The following SCUBE3 variants were observed in gnomAD, a reference collection of about 807,000 sequenced individuals.
The protein encoded by SCUBE3 is signal peptide, CUB domain and EGF like domain containing 3.
SCUBE3 carries 33 observed loss-of-function variants against 116.8 expected under a neutral mutation model. That is an observed-to-expected ratio of 0.28 (90% CI 0.21 to 0.38). SCUBE3 has a LOEUF of 0.38. SCUBE3 is among the 10% of genes least tolerant of loss of function. The pLI is 1.00. For synonymous variants in SCUBE3, 418 were observed against 496.9 expected (o/e 0.84, Z 2.11); for missense variants, 1,007 against 1,324.8 (o/e 0.76, Z 3.72).
chr6:35,227,387 G>A (rs961698604), intron 1 of SCUBE3, among the ~76,000 whole-genome samples, 193 bp from the exon 2 acceptor site: 1 of 152,182 alleles, frequency 6.6e-6, no homozygotes, highest in Non-Finnish European at 1.5e-5. Context: ...GGCAGTGGGG[G>A]TTCCTTCTGA....
At position 35,250,133 on chromosome 6, in the gene SCUBE3, A is replaced by C. The variant is rs1007547372; in HGVS notation, c.*1428A>C. On this transcript the variant is annotated 3_prime_UTR_variant, in exon 22 of 22. Coordinates refer to ENST00000274938, the MANE Select transcript of SCUBE3 (RefSeq NM_152753.4). ...CTGTGGTAATCCAGGGTAATTGCGCAGAGGCATCTGATGTGTAGGAAAGTA... is the reference window on the plus strand; with the variant it reads ...CTGTGGTAATCCAGGGTAATTGCGCCGAGGCATCTGATGTGTAGGAAAGTA... 3.7e-4 allele frequency: 57 copies of C among 152,516 alleles called. No homozygotes were observed. Among genetic ancestry groups the C allele is most frequent in the African/African-American group, 1.4e-3 (57 of 41,572 alleles). The allele number at this position is 152,516 out of a possible 1,614,324, so 9.4% of individuals were successfully genotyped here. A position where few individuals can be genotyped will look rare whatever the true frequency, so the allele number is the denominator to read the frequency against.
chr6:35,222,240 G>A (rs964278864), intron 1 of SCUBE3: 7 of 152,144 alleles, frequency 4.6e-5, no homozygotes, highest in African/African-American at 1.7e-4. Flanking sequence ...TCCTGAGCTG[G>A]GCTTGGGCAA....
In SCUBE3 at chr6:35,232,262, T is replaced by C. The variant is rs1300691050; in HGVS notation, c.469+403T>C. Among the ~76,000 whole-genome samples the C allele has an allele frequency of 2.0e-5, 3 of 152,164 alleles. No homozygotes were observed. The highest frequency in any genetic ancestry group is 4.8e-5 in the African/African-American group (2 of 41,440). ...TTATATTGGCTGTTTCTATGACTCATGCCCCCCACTCCCACTAGACTGTGA... is the reference window on the plus strand; with the variant it reads ...TTATATTGGCTGTTTCTATGACTCACGCCCCCCACTCCCACTAGACTGTGA... On this transcript the variant is annotated intron_variant, in intron 4 of 21. Transcript: ENST00000274938. This position sits in a 1 kb window ranked among gnomAD's most constrained non-coding sequence, Gnocchi z 4.2.
At position 35,240,016 on chromosome 6, in the gene SCUBE3, A is replaced by C; in HGVS notation, c.952+142A>C. 1.0e-5 allele frequency: 7 copies of C among 699,994 alleles called. No homozygotes were observed. Among genetic ancestry groups the C allele is most frequent in the Non-Finnish European group, 1.6e-5 (7 of 444,324 alleles). 43.4% of individuals were successfully genotyped at this position (699,994 alleles called of 1,614,324 possible). A position where few individuals can be genotyped will look rare whatever the true frequency, so the allele number is the denominator to read the frequency against. On this transcript the variant is annotated intron_variant, in intron 8 of 21. Coordinates refer to ENST00000274938, the MANE Select transcript of SCUBE3 (RefSeq NM_152753.4). The surrounding 1 kb of genome is among the most constrained non-coding windows in gnomAD (Gnocchi z 4.6). ...GGCAGTGTCATCCTGCAAATTAGCA[A>C]ATGGTACTCTTTCCCCTCAGCGGAC...
Position 35,244,853 on chromosome 6 carries a change from C to T in SCUBE3, c.2401+42C>T. ...GCTGTGCAAAAGGGAGGAGAGAGGC[C>T]TGGGAGCAGTGGACATCTAAAGGAG... On this transcript the variant is annotated intron_variant, in intron 18 of 21. Transcript: ENST00000274938. This position sits in a 1 kb window ranked among gnomAD's most constrained non-coding sequence, Gnocchi z 4.3. The T allele has an allele frequency of 1.9e-6, 3 of 1,597,616 alleles. No homozygotes were observed. In the South Asian group the frequency reaches 3.3e-5, roughly 18 times the overall value.
rs1192480132 is a variant in SCUBE3, at chr6:35,248,606, C to A, written c.2883C>A (p.Asn961Lys). ...TTGAGGTGCTAGCCCACCCCCAGAACTACTTCAAGTACACAGAGAAACACA... is the reference window on the plus strand; with the variant it reads ...TTGAGGTGCTAGCCCACCCCCAGAAATACTTCAAGTACACAGAGAAACACA... ...AFFEVLAHPQ[N>K]YFKYTEKHKE... is the part of the protein sequence containing the mutation. Residue 961 changes from asparagine (N) to lysine (K), a missense_variant, in exon 22 of 22, where the codon AAC (asparagine) becomes AAA (lysine). Transcript: ENST00000274938. 1 of 1,614,062 alleles carries A rather than the reference C, an allele frequency of 6.2e-7. No homozygotes were observed. The highest frequency in any genetic ancestry group is 1.1e-5 in the South Asian group (1 of 91,078).
Position 35,245,815 on chromosome 6 carries a change from C to A in SCUBE3, c.2600-129C>A. The stretch of plus-strand genomic sequence containing the variant: ...GGGTGTGGGGTAGGGTGTGTGTATG[C>A]GAAGGGGGAGCCTTTGTCAGAATGA... On this transcript the variant is annotated intron_variant, in intron 19 of 21. Transcript: ENST00000274938. This position sits in a 1 kb window ranked among gnomAD's most constrained non-coding sequence, Gnocchi z 4.2. 1.0e-6 allele frequency: 1 copy of A among 990,376 alleles called. No individual in the cohort carries two copies. The highest frequency in any genetic ancestry group is 1.6e-5 in the South Asian group (1 of 64,306). The allele number at this position is 990,376 out of a possible 1,614,324, so 61.3% of individuals were successfully genotyped here.
In SCUBE3 at chr6:35,239,173, C is replaced by T. The variant is rs534288195; in HGVS notation, c.830-579C>T. Among the ~76,000 whole-genome samples the T allele has an allele frequency of 6.6e-6, 1 of 152,150 alleles. No individual in the cohort carries two copies. The highest frequency in any genetic ancestry group is 2.1e-4 in the South Asian group (1 of 4,814). ...TCCCAGTCCAGCCCCTTGCCTGGCC[C>T]CCAGCCCTCCCCCATCAGCTACCCA... On this transcript the variant is annotated intron_variant, in intron 7 of 21. Coordinates refer to ENST00000274938, the MANE Select transcript of SCUBE3 (RefSeq NM_152753.4). This position sits in a 1 kb window ranked among gnomAD's most constrained non-coding sequence, Gnocchi z 4.1.
chr6:35,238,030 G>C lies in SCUBE3; in HGVS notation c.829+12G>C, dbSNP rs201005639. 1.2e-5 allele frequency: 18 copies of C among 1,508,374 alleles called. No individual in the cohort carries two copies. Among genetic ancestry groups the C allele is most frequent in the Non-Finnish European group, 1.6e-5 (17 of 1,085,712 alleles). The allele number at this position is 1,508,374 out of a possible 1,614,324, so 93.4% of individuals were successfully genotyped here. A position where few individuals can be genotyped will look rare whatever the true frequency, so the allele number is the denominator to read the frequency against. On this transcript the variant is annotated intron_variant, in intron 7 of 21. Transcript: ENST00000274938. ...GAAGACGTGCAAAGGTAAGGACTTT[G>C]AGAGGACAGAAGCAGAGTGACCTTT...
In SCUBE3 at chr6:35,214,863, C is replaced by G. The variant is rs1263172745; in HGVS notation, c.85+360C>G. 6.6e-6 allele frequency among the ~76,000 whole-genome samples: 1 copy of G among 152,208 alleles called. No homozygotes were observed. Among genetic ancestry groups the G allele is most frequent in the African/African-American group, 2.4e-5 (1 of 41,454 alleles). Reference sequence around the variant, plus strand: ...TCTCTCAAACATTGCCAGAAACTTACGCTGTGGCCTGGAGAGACTGAGGGA... The same window carrying G: ...TCTCTCAAACATTGCCAGAAACTTAGGCTGTGGCCTGGAGAGACTGAGGGA... On this transcript the variant is annotated intron_variant, in intron 1 of 21. Transcript: ENST00000274938. This position sits in a 1 kb window ranked among gnomAD's most constrained non-coding sequence, Gnocchi z 6.3.
In SCUBE3 at chr6:35,244,952, C is replaced by T. The variant is rs1784268320; in HGVS notation, c.2401+141C>T. Reference sequence around the variant, plus strand: ...AACTCCACCTTCCACCTCTCCCCAACTCACTCAATCTCAAGGCCAGTTGCT... The same window carrying T: ...AACTCCACCTTCCACCTCTCCCCAATTCACTCAATCTCAAGGCCAGTTGCT... On this transcript the variant is annotated intron_variant, in intron 18 of 21. Coordinates refer to ENST00000274938, the MANE Select transcript of SCUBE3 (RefSeq NM_152753.4). The surrounding 1 kb of genome is among the most constrained non-coding windows in gnomAD (Gnocchi z 4.3). 1.2e-6 allele frequency: 1 copy of T among 823,638 alleles called. No homozygotes were observed. The highest frequency in any genetic ancestry group is 1.9e-6 in the Non-Finnish European group (1 of 515,548). The allele number at this position is 823,638 out of a possible 1,614,324, so 51.0% of individuals were successfully genotyped here.
At position 35,236,182 on chromosome 6, in the gene SCUBE3, G is replaced by A. The variant is rs141213754; in HGVS notation, c.713-1720G>A. On this transcript the variant is annotated intron_variant, in intron 6 of 21. Coordinates refer to ENST00000274938, the MANE Select transcript of SCUBE3 (RefSeq NM_152753.4). Reference sequence around the variant, plus strand: ...CTGGCAAGTGCCTGGCACAGCATAAGCACAGAGTAACTTGTGGTTTTAATA... The same window carrying A: ...CTGGCAAGTGCCTGGCACAGCATAAACACAGAGTAACTTGTGGTTTTAATA... Among the ~76,000 whole-genome samples the A allele has an allele frequency of 2.8e-3, 420 of 152,330 alleles. 3 individuals carry two copies. The highest frequency in any genetic ancestry group is 9.2e-3 in the African/African-American group (384 of 41,564).
chr6:35,225,698 A>G (rs1783296451), intron 1 of SCUBE3, among the ~76,000 whole-genome samples: 1 of 152,210 alleles, frequency 6.6e-6, no homozygotes, highest in African/African-American at 2.4e-5. Context: ...TCTTAGCCCC[A>G]GGAAGTTTCA....
At chr6:35,227,938 A>G (rs1422939745) in intron 2 of SCUBE3, among the ~76,000 whole-genome samples, 1 of 152,172 alleles carries the variant, frequency 6.6e-6, no homozygotes, top group Non-Finnish European at 1.5e-5. Flanking sequence ...ACAGCCCACA[A>G]CCTGGCTGGG....
At position 35,250,394 on chromosome 6, in the gene SCUBE3, C is replaced by G. The variant is rs1474968899; in HGVS notation, c.*1689C>G. On this transcript the variant is annotated 3_prime_UTR_variant, in exon 22 of 22. Coordinates refer to ENST00000274938, the MANE Select transcript of SCUBE3 (RefSeq NM_152753.4). ...CCAGGACATACCACCTGGGGATGGG[C>G]TGACTCAGGGTCCCGAGGCCAGAGA... 2 of 152,278 alleles carry G rather than the reference C, an allele frequency of 1.3e-5. No individual in the cohort carries two copies. Among genetic ancestry groups the G allele is most frequent in the South Asian group, 2.1e-4 (1 of 4,812 alleles). 9.4% of individuals were successfully genotyped at this position (152,278 alleles called of 1,614,324 possible). A position where few individuals can be genotyped will look rare whatever the true frequency, so the allele number is the denominator to read the frequency against.
rs990780699 is a variant in SCUBE3 at position 35,232,813 on chromosome 6, G to T, written c.470-37G>T. 5 of 1,608,690 alleles carry T rather than the reference G, an allele frequency of 3.1e-6. No individual in the cohort carries two copies. The highest frequency in any genetic ancestry group is 4.3e-6 in the Non-Finnish European group (5 of 1,175,550). ...TAGTTTTTCTTTTCTAGACATCCAG[G>T]GGTACAGAGCATTCACACCCCTTTC... On this transcript the variant is annotated intron_variant, in intron 4 of 21. Transcript: ENST00000274938. The surrounding 1 kb of genome is among the most constrained non-coding windows in gnomAD (Gnocchi z 4.2).
chr6:35,246,400 T>C, intron 21 of SCUBE3, 115 bp downstream of exon 21: 1 of 760,812 alleles, frequency 1.3e-6, no homozygotes, highest in African/African-American at 1.7e-5. Flanking sequence ...AATAGCTCTA[T>C]GAGGTAGGTG....
At chr6:35,215,058 G>A (rs1026293763) in intron 1 of SCUBE3, among the ~76,000 whole-genome samples, 1 of 152,212 alleles carries the variant, frequency 6.6e-6, no homozygotes, top group South Asian at 2.1e-4. Context: ...GGGGGCTGAA[G>A]AAGAGAAGAA....
rs773972922 is a variant in SCUBE3 at position 35,232,800 on chromosome 6, T to C, written c.470-50T>C. 1.3e-6 allele frequency: 2 copies of C among 1,597,032 alleles called. No homozygotes were observed. Among genetic ancestry groups the C allele is most frequent in the East Asian group, 4.5e-5 (2 of 44,604 alleles). ...CAGTTGCCCCCTGTAGTTTTTCTTT[T>C]CTAGACATCCAGGGGTACAGAGCAT... On this transcript the variant is annotated intron_variant, in intron 4 of 21. Coordinates refer to ENST00000274938, the MANE Select transcript of SCUBE3 (RefSeq NM_152753.4). The surrounding 1 kb of genome is among the most constrained non-coding windows in gnomAD (Gnocchi z 4.2).
Sources: allele counts gnomAD v4.1 joint callset (sites outside exome capture counted in the v4.1 genomes callset), GRCh38; gene constraint gnomAD v4.1.1; non-coding constraint Gnocchi (gnomAD v3.1); transcripts MANE v1.5; gene names NCBI Gene and HGNC (gene_info 2026-07-23, HGNC 2026-07-21).